The following SACS variants were observed in gnomAD, a reference collection of about 807,000 sequenced individuals.
SACS encodes sacsin.
SACS carries 197 observed loss-of-function variants against 348.0 expected under a neutral mutation model. The observed-to-expected ratio is 0.57, with a 90% confidence interval of 0.50 to 0.64. SACS has a LOEUF of 0.64. Among genes scored for constraint, SACS ranks in the 30% least tolerant of loss-of-function variants. SACS has a pLI of 0.00. For synonymous variants in SACS, 1,985 were observed against 1,910.6 expected (o/e 1.04, Z -1.02); for missense variants, 4,999 against 5,360.8 (o/e 0.93, Z 2.11).
chr13:23,356,083 T>A, intron 7 of SACS, 76 bp from the exon 8 acceptor site: 1 of 1,231,136 alleles, frequency 8.1e-7, no homozygotes, highest in South Asian at 1.3e-5. Flanking sequence ...AATAAATATA[T>A]GAAAAAGCAT....
rs1470292816 is a variant in SACS at position 23,371,090 on chromosome 13, A to G, written c.247T>C (p.Leu83=). 5 of 1,602,218 alleles carry G rather than the reference A, an allele frequency of 3.1e-6. No homozygotes were observed. Among genetic ancestry groups the G allele is most frequent in the Non-Finnish European group, 2.6e-6 (3 of 1,169,484 alleles). The part of the protein sequence containing the change: ...HLFVNLQSKG[L]KGGGRFGQTT... ...GTCAATATTATACCTCCCCCTTTTAAGCCTTTTGATTGAAGGTTTACAAAA... is the reference window on the plus strand; with the variant it reads ...GTCAATATTATACCTCCCCCTTTTAGGCCTTTTGATTGAAGGTTTACAAAA... The change falls in exon 4 of 10, where the codon TTA becomes CTA. Residue 83 remains leucine, a synonymous_variant. Transcript: ENST00000382292.
rs1160635532 is a variant in SACS at position 23,334,045 on chromosome 13, G to A, written c.9831C>T (p.Asp3277=). The stretch of plus-strand genomic sequence containing the variant: ...ACTTTGTTCCTGGAAGCAATGCCCA[G>A]TCTTTTAGAGTATCAACAACAATGT... ...TFDIVVDTLK[D]WALLPGTKFT... The change falls in exon 10 of 10, where the codon GAC becomes GAT. Residue 3277 remains aspartate (D), a synonymous_variant. Coordinates refer to ENST00000382292, the MANE Select transcript of SACS (RefSeq NM_014363.6). 6.2e-7 allele frequency: 1 copy of A among 1,613,814 alleles called. No individual in the cohort carries two copies.
At chr13:23,402,780 C>T (rs926210963) in intron 2 of SACS, among the ~76,000 whole-genome samples, 1 of 152,106 alleles carries the variant, frequency 6.6e-6, no homozygotes, top group Non-Finnish European at 1.5e-5. Context: ...GGCCCAGGAA[C>T]CTTAGGACCC....
intron 6 of SACS, among the ~76,000 whole-genome samples, chr13:23,361,447 G>A (rs1394436935): frequency 6.6e-6 from 1 of 152,132 alleles, no homozygotes; most frequent in East Asian, 1.9e-4. Flanking sequence ...TGATCAAAAC[G>A]ATGTGTTCTT....
In SACS at chr13:23,329,408, G is replaced by A. The variant is rs1397295387; in HGVS notation, c.*728C>T. ...ATGTTGTCTTGGCAAGCAGTTTCCA[G>A]AAACAATACTAACAACTGGTAATAA... is the stretch of plus-strand genomic sequence containing the variant. On this transcript the variant is annotated 3_prime_UTR_variant, in exon 10 of 10. Transcript: ENST00000382292. 1 of 760,102 alleles carries A rather than the reference G, an allele frequency of 1.3e-6. No individual in the cohort carries two copies. The highest frequency in any genetic ancestry group is 2.4e-6 in the Non-Finnish European group (1 of 411,738). The allele number at this position is 760,102 out of a possible 1,614,324, so 47.1% of individuals were successfully genotyped here.
chr13:23,361,467 AG>A (rs1458875305), intron 6 of SACS, among the ~76,000 whole-genome samples: 1 of 152,120 alleles, frequency 6.6e-6, no homozygotes, highest in Non-Finnish European at 1.5e-5. Context: ...TGGTTCTAAA[AG>A]TAAGATAAGA....
chr13:23,385,306 C>T (rs545823827), intron 2 of SACS, among the ~76,000 whole-genome samples: 10 of 152,178 alleles, frequency 6.6e-5, no homozygotes, highest in Admixed American at 4.6e-4. Context: ...TCAACTTCTT[C>T]CAAACTCCTG....
At chr13:23,422,988 C>T (rs1010523068) in intron 1 of SACS, among the ~76,000 whole-genome samples, 3 of 151,958 alleles carry the variant, frequency 2.0e-5, no homozygotes, top group Middle Eastern at 6.4e-3. Context: ...ATGTGAGTTT[C>T]CATTAAACAA....
chr13:23,402,574 A>T (rs1163168615), intron 2 of SACS, among the ~76,000 whole-genome samples: 1 of 152,246 alleles, frequency 6.6e-6, no homozygotes, highest in Non-Finnish European at 1.5e-5. Context: ...AACTTTGGTC[A>T]TATGACAAAG....
chr13:23,413,570 G>A (rs988084435), intron 1 of SACS, among the ~76,000 whole-genome samples: 1 of 151,828 alleles, frequency 6.6e-6, no homozygotes, highest in Non-Finnish European at 1.5e-5. Context: ...TCATTGTGGG[G>A]AAAAAAAGGA....
rs576540073 is a variant in SACS, at chr13:23,407,697, T to C, written c.20+3523A>G. On this transcript the variant is annotated intron_variant, in intron 2 of 9. Coordinates refer to ENST00000382292, the MANE Select transcript of SACS (RefSeq NM_014363.6). ...ACAGGGGGAACTAAAATAGACTTTC[T>C]CTTTAACCAAACATTAGACAGGCTC... Among the ~76,000 whole-genome samples the C allele has an allele frequency of 9.2e-5, 14 of 152,308 alleles. No individual in the cohort carries two copies. In the South Asian group the frequency reaches 2.9e-3, roughly 32 times the overall value.
intron 9 of SACS, among the ~76,000 whole-genome samples, chr13:23,349,961 A>C (rs1869849219): frequency 6.6e-6 from 1 of 152,216 alleles, no homozygotes; most frequent in Non-Finnish European, 1.5e-5. Flanking sequence ...GGATGAATGT[A>C]TTCAAGGAAA....
At position 23,336,610 on chromosome 13, in the gene SACS, C is replaced by A. The variant is rs1868627455; in HGVS notation, c.7266G>T (p.Gln2422His). 6.2e-7 allele frequency: 1 copy of A among 1,613,564 alleles called. No homozygotes were observed. The change falls in exon 10 of 10, where the codon CAG becomes CAT. Residue 2422 changes from glutamine (Q) to histidine (H), a missense_variant. Physicochemically the swap from Gln to His is conservative, Grantham distance 24. Coordinates refer to ENST00000382292, the MANE Select transcript of SACS (RefSeq NM_014363.6). ...GTKQITEENF[Q>H]LCRRIISEGI... ...CTTCACTGATTATTCGTCGGCAAAGCTGAAAATTCTCTTCTGTTATTTGCT... is the reference window on the plus strand; with the variant it reads ...CTTCACTGATTATTCGTCGGCAAAGATGAAAATTCTCTTCTGTTATTTGCT...
Position 23,330,425 on chromosome 13 carries a change from G to A in SACS, c.13451C>T (p.Ala4484Val). 1 of 1,614,164 alleles carries A rather than the reference G, an allele frequency of 6.2e-7. No homozygotes were observed. Among genetic ancestry groups the A allele is most frequent in the Non-Finnish European group, 8.5e-7 (1 of 1,180,022 alleles). Residue 4484 changes from alanine (A) to valine (V), a missense_variant, in exon 10 of 10, where the codon GCT becomes GTT. Physicochemically the swap from Ala to Val is moderately conservative, Grantham distance 64. Around this residue, in one of 6 missense-constraint regions of SACS, gnomAD observed 254 missense variants for 275.1 expected, o/e 0.92. Coordinates refer to ENST00000382292, the MANE Select transcript of SACS (RefSeq NM_014363.6). Reference protein sequence around the residue: ...CFKCYLSTKLALIAADYAVRG... With the variant: ...CFKCYLSTKLVLIAADYAVRG... ...CACAGCATAGTCAGCTGCAATCAAA[G>A]CTAACTTGGTAGAAAGGTAACATTT...
chr13:23,342,479 T>C (rs1869330736), intron 9 of SACS, among the ~76,000 whole-genome samples: 1 of 152,334 alleles, frequency 6.6e-6, no homozygotes, highest in Non-Finnish European at 1.5e-5. Flanking sequence ...CAGAAGTGTT[T>C]TGCATTTCGG....
chr13:23,348,612 A>G (rs1869763622), intron 9 of SACS, among the ~76,000 whole-genome samples: 1 of 152,254 alleles, frequency 6.6e-6, no homozygotes, highest in South Asian at 2.1e-4. Flanking sequence ...TCCAAGAGCA[A>G]AAGAGAGGCA....
chr13:23,344,812 A>G (rs564587826), intron 9 of SACS, among the ~76,000 whole-genome samples: 2 of 152,246 alleles, frequency 1.3e-5, no homozygotes, highest in Non-Finnish European at 2.9e-5. Context: ...CTCTTCCAAG[A>G]GTAGCTTTTG....
chr13:23,393,526 C>G (rs1872607118), intron 2 of SACS, among the ~76,000 whole-genome samples: 1 of 152,134 alleles, frequency 6.6e-6, no homozygotes, highest in Non-Finnish European at 1.5e-5. Flanking sequence ...TTGTCTTCAG[C>G]TACGTGGACC....
Position 23,355,205 on chromosome 13 carries a change from G to T in SACS, c.1407C>A (p.Gly469=). 6.2e-7 allele frequency: 1 copy of T among 1,614,168 alleles called. No individual in the cohort carries two copies. The highest frequency in any genetic ancestry group is 8.5e-7 in the Non-Finnish European group (1 of 1,180,024). The change falls in exon 8 of 10, where the codon GGC becomes GGA. Residue 469 remains glycine, a synonymous_variant. Transcript: ENST00000382292. ...GLPVHISGFF[G]LTDNRRSIKW... ...TTATGCTCCTGCGGTTATCAGTAAG[G>T]CCAAAGAACCCACTGATGTGAACTG...
Sources: allele counts gnomAD v4.1 joint callset (sites outside exome capture counted in the v4.1 genomes callset), GRCh38; gene constraint gnomAD v4.1.1; regional missense constraint gnomAD v4.1.1; transcripts MANE v1.5; gene names NCBI Gene and HGNC (gene_info 2026-07-23, HGNC 2026-07-21).